The following LOC400499 variants were observed in gnomAD, a reference collection of about 807,000 sequenced individuals.
At chr16:11,379,473 C>G in the LOC400499 span, among the ~76,000 whole-genome samples, 1 of 152,248 alleles carries the variant, frequency 6.6e-6, no homozygotes, top group Non-Finnish European at 1.5e-5. Context: ...GCTACTCCTT[C>G]TCTATCTTAT....
chr16:11,465,345 C>G, the LOC400499 span: 1 of 151,976 alleles, frequency 6.6e-6, no homozygotes, highest in Non-Finnish European at 1.5e-5. Context: ...CAGGCTGGTC[C>G]CAAATTCCTC....
chr16:11,403,865 G>A, the LOC400499 span, among the ~76,000 whole-genome samples: 2 of 152,088 alleles, frequency 1.3e-5, no homozygotes, highest in Non-Finnish European at 2.9e-5. Context: ...CCTCTTCCAC[G>A]CCCTGGCCCC....
the LOC400499 span, among the ~76,000 whole-genome samples, chr16:11,490,696 G>A: frequency 2.7e-3 from 415 of 152,234 alleles, no homozygotes; most frequent in African/African-American, 9.4e-3. Context: ...GCGAGACTCC[G>A]TCTCAAAAAA....
At chr16:11,490,675 T>A in the LOC400499 span, among the ~76,000 whole-genome samples, 2 of 152,206 alleles carry the variant, frequency 1.3e-5, no homozygotes, top group African/African-American at 4.8e-5. Context: ...CACTCCAGGC[T>A]GGGTGACAGA....
At chr16:11,473,466 G>A in the LOC400499 span, among the ~76,000 whole-genome samples, 4 of 152,044 alleles carry the variant, frequency 2.6e-5, no homozygotes, top group Non-Finnish European at 5.9e-5. Context: ...TATTATTAAC[G>A]AAGTTTCTCA....
the LOC400499 span, chr16:11,384,378 C>T: frequency 2.0e-6 from 2 of 1,018,526 alleles, no homozygotes; most frequent in Non-Finnish European, 2.5e-6. Context: ...GATCCTCCCC[C>T]AGCCCCAGCC....
the LOC400499 span, among the ~76,000 whole-genome samples, chr16:11,416,871 G>A: frequency 6.6e-6 from 1 of 152,150 alleles, no homozygotes; most frequent in Admixed American, 6.5e-5. Context: ...AGGGCTGGGG[G>A]CTGGGAGATG....
chr16:11,382,561 G>C, the LOC400499 span, among the ~76,000 whole-genome samples: 1 of 149,818 alleles, frequency 6.7e-6, no homozygotes, highest in Admixed American at 6.6e-5. Context: ...TTTGGTCACA[G>C]AAGTCATCTG....
chr16:11,477,834 A>G, the LOC400499 span: 1 of 398,846 alleles, frequency 2.5e-6, no homozygotes, highest in Non-Finnish European at 4.4e-6. Context: ...GGCTTGACAT[A>G]ACCATTCACA....
chr16:11,493,733 A>G, the LOC400499 span: 1 of 396,186 alleles, frequency 2.5e-6, no homozygotes, highest in Non-Finnish European at 4.4e-6. Flanking sequence ...CAGGCACTCA[A>G]CGTAGGGGTG....
chr16:11,440,662 T>G, the LOC400499 span: 1 of 398,452 alleles, frequency 2.5e-6, no homozygotes, highest in Non-Finnish European at 4.4e-6. Context: ...ACAGGGCACC[T>G]TCACTAAAGG....
chr16:11,444,241 T>C, the LOC400499 span, among the ~76,000 whole-genome samples: 1 of 151,986 alleles, frequency 6.6e-6, no homozygotes, highest in African/African-American at 2.4e-5. Context: ...CTACAAAACA[T>C]CTTAAAATGA....
chr16:11,470,037 G>C, the LOC400499 span, among the ~76,000 whole-genome samples: 2 of 152,250 alleles, frequency 1.3e-5, no homozygotes, highest in African/African-American at 4.8e-5. Context: ...TGAGCAGCTG[G>C]GATTACAGGC....
At chr16:11,436,952 G>A in the LOC400499 span, among the ~76,000 whole-genome samples, 1 of 152,058 alleles carries the variant, frequency 6.6e-6, no homozygotes, top group Non-Finnish European at 1.5e-5. Context: ...AATAAAACAT[G>A]ATACACCCAG....
chr16:11,482,392 A>G, the LOC400499 span, among the ~76,000 whole-genome samples: 1 of 152,214 alleles, frequency 6.6e-6, no homozygotes, highest in African/African-American at 2.4e-5. Context: ...AGGTCTGCAG[A>G]AGGTCCTACG....
At chr16:11,438,307 T>C in the LOC400499 span, among the ~76,000 whole-genome samples, 1 of 152,150 alleles carries the variant, frequency 6.6e-6, no homozygotes, top group Non-Finnish European at 1.5e-5. Flanking sequence ...AGGTTGCTAG[T>C]GAAACGGTGA....
chr16:11,454,263 A>T, the LOC400499 span, among the ~76,000 whole-genome samples: 1 of 152,254 alleles, frequency 6.6e-6, no homozygotes, highest in Non-Finnish European at 1.5e-5. Context: ...GACATTTTCA[A>T]CATTTAGGGT....
At chr16:11,374,017 C>G in the LOC400499 span, among the ~76,000 whole-genome samples, 1 of 152,208 alleles carries the variant, frequency 6.6e-6, no homozygotes, top group Middle Eastern at 3.4e-3. Context: ...CATTCTGGTT[C>G]TTTTTCAGAT....
chr16:11,526,127 C>T, the LOC400499 span, among the ~76,000 whole-genome samples: 1 of 152,212 alleles, frequency 6.6e-6, no homozygotes, highest in Non-Finnish European at 1.5e-5. Context: ...AATATCAAAA[C>T]AATTACATCA....
Sources: gnomAD v4.1 joint callset for allele counts (sites outside exome capture counted in the v4.1 genomes callset) on GRCh38, gnomAD v4.1.1 for gene constraint, MANE v1.5 for transcripts.